The following ZNF420 variants were observed in gnomAD, a reference collection of about 807,000 sequenced individuals.
ZNF420 encodes zinc finger protein 420.
Under a neutral mutation model 44.7 loss-of-function variants are expected in ZNF420, and 31 were observed. That is an observed-to-expected ratio of 0.69 (90% CI 0.52 to 0.94). The LOEUF (loss-of-function observed/expected upper bound fraction) is 0.94. Ranked by LOEUF, ZNF420 falls within the 40% of genes least tolerant of loss-of-function variation. ZNF420 has a pLI of 0.00. For synonymous variants in ZNF420, 245 were observed against 267.4 expected (o/e 0.92, Z 0.82); for missense variants, 681 against 827.9 (o/e 0.82, Z 2.18).
intron 1 of ZNF420, among the ~76,000 whole-genome samples, chr19:37,025,916 C>G (rs1464973277): frequency 2.0e-5 from 3 of 151,390 alleles, no homozygotes; most frequent in Non-Finnish European, 4.4e-5. Flanking sequence ...GTTGGGATTA[C>G]AAATCTGAAC....
intron 1 of ZNF420, among the ~76,000 whole-genome samples, chr19:37,046,439 T>C (rs1194288419): frequency 6.6e-6 from 1 of 152,212 alleles, no homozygotes; most frequent in Non-Finnish European, 1.5e-5. Context: ...AGTTCATTAA[T>C]ACTAGAATGG....
chr19:37,088,895 A>G (rs1246959027), intron 2 of ZNF420, 144 bp from the exon 3 acceptor site: 1 of 522,054 alleles, frequency 1.9e-6, no homozygotes, highest in African/African-American at 1.9e-5. Context: ...TCAAGTTAAG[A>G]ACCACAACAT....
intron 1 of ZNF420, among the ~76,000 whole-genome samples, chr19:37,064,369 T>C (rs754611191): frequency 4.6e-5 from 7 of 152,214 alleles, no homozygotes; most frequent in Non-Finnish European, 7.3e-5. Context: ...CTTATTTTAA[T>C]GACCAGTTTG....
chr19:37,088,907 T>C (rs1968977417), intron 2 of ZNF420, 132 bp from the exon 3 acceptor site: 4 of 564,282 alleles, frequency 7.1e-6, no homozygotes, highest in Non-Finnish European at 1.3e-5. Flanking sequence ...CCACAACATA[T>C]GTCTGTCCCC....
intron 1 of ZNF420, among the ~76,000 whole-genome samples, chr19:37,013,886 A>G (rs1479189412): frequency 1.3e-5 from 2 of 152,246 alleles, no homozygotes; most frequent in Non-Finnish European, 2.9e-5. Flanking sequence ...CACACGTGGC[A>G]CTGGCGTCCC....
intron 1 of ZNF420, among the ~76,000 whole-genome samples, chr19:37,059,026 C>G (rs1249184872): frequency 2.0e-5 from 3 of 152,244 alleles, no homozygotes; most frequent in South Asian, 2.1e-4. Flanking sequence ...CGAGGCCCTG[C>G]CTGCCTCACC....
intron 1 of ZNF420, among the ~76,000 whole-genome samples, chr19:37,064,218 T>C (rs10407265): frequency 0.16 from 24,659 of 152,172 alleles, 2,128 homozygotes; most frequent in African/African-American, 0.23. Flanking sequence ...TTTTTTCCTT[T>C]GTAATTAGTA....
chr19:37,089,312 C>CA (rs1242490671), intron 3 of ZNF420, among the ~76,000 whole-genome samples, 185 bp downstream of exon 3: 1 of 152,142 alleles, frequency 6.6e-6, no homozygotes, highest in Non-Finnish European at 1.5e-5. Context: ...AACCTTTAGT[C>CA]ACATACTTAC....
intron 4 of ZNF420, chr19:37,109,737 C>T (rs2146654116): frequency 6.6e-6 from 1 of 152,334 alleles, no homozygotes; most frequent in East Asian, 1.9e-4. Flanking sequence ...CACGTTACCA[C>T]CTTCCCTATT....
chr19:37,041,440 TATATAATAC>T (rs1179054802), intron 1 of ZNF420, among the ~76,000 whole-genome samples: 4 of 152,304 alleles, frequency 2.6e-5, no homozygotes, highest in Admixed American at 1.3e-4. Flanking sequence ...TATAAACTTA[TATATAATAC>T]AGTGATTGCA....
intron 4 of ZNF420, among the ~76,000 whole-genome samples, chr19:37,113,404 C>G (rs1285737431): frequency 2.0e-5 from 3 of 152,204 alleles, no homozygotes; most frequent in African/African-American, 7.2e-5. Flanking sequence ...TTATGCATAG[C>G]TCCTCCAATT....
intron 1 of ZNF420, among the ~76,000 whole-genome samples, chr19:37,079,156 T>A (rs1172001561): frequency 3.3e-5 from 5 of 152,160 alleles, no homozygotes; most frequent in African/African-American, 1.2e-4. Context: ...ACAAGGTGCT[T>A]GGATGTAATT....
intron 1 of ZNF420, among the ~76,000 whole-genome samples, chr19:37,059,223 A>G (rs895256546): frequency 2.0e-5 from 3 of 152,044 alleles, no homozygotes; most frequent in African/African-American, 7.2e-5. Flanking sequence ...CCCCTCTCCC[A>G]CGCCGCCCTC....
chr19:37,028,866 C>A (rs1967198376), intron 1 of ZNF420, among the ~76,000 whole-genome samples: 1 of 152,168 alleles, frequency 6.6e-6, no homozygotes, highest in Non-Finnish European at 1.5e-5. Context: ...GATAAGCTGC[C>A]TTCGGATTTT....
At chr19:37,028,876 T>G (rs1423689430) in intron 1 of ZNF420, among the ~76,000 whole-genome samples, 1 of 152,228 alleles carries the variant, frequency 6.6e-6, no homozygotes, top group Non-Finnish European at 1.5e-5. Flanking sequence ...CTTCGGATTT[T>G]GCTCTTGAAC....
chr19:37,092,498 A>C, intron 4 of ZNF420: 1 of 152,150 alleles, frequency 6.6e-6, no homozygotes, highest in Non-Finnish European at 1.5e-5. Flanking sequence ...GGATCACCTG[A>C]GGTCGGGAGT....
intron 4 of ZNF420, chr19:37,106,690 C>G (rs2146635224): frequency 6.6e-6 from 1 of 152,214 alleles, no homozygotes; most frequent in East Asian, 1.9e-4. Context: ...TGTTTCTCGT[C>G]AGGTGGAACG....
intron 4 of ZNF420, among the ~76,000 whole-genome samples, chr19:37,125,696 G>C (rs1255559986): frequency 2.6e-5 from 4 of 152,124 alleles, no homozygotes; most frequent in Non-Finnish European, 5.9e-5. Flanking sequence ...ACATCACAAA[G>C]AAAAGTTATA....
At chr19:37,123,771 T>TTGTGTGTGTGTG (rs535419705) in intron 4 of ZNF420, among the ~76,000 whole-genome samples, 1 of 151,124 alleles carries the variant, frequency 6.6e-6, no homozygotes, top group South Asian at 2.1e-4. Flanking sequence ...CCCAGCTAAT[T>TTGTGTGTGTGTG]TGTGTGTGTG....
Sources: allele counts gnomAD v4.1 joint callset (sites outside exome capture counted in the v4.1 genomes callset), GRCh38; gene constraint gnomAD v4.1.1; transcripts MANE v1.5; gene names NCBI Gene and HGNC (gene_info 2026-07-23, HGNC 2026-07-21).